UNC13C: variants seen among roughly 807,000 people sequenced by gnomAD.
UNC13C encodes the protein protein unc-13 homolog C.
UNC13C carries 174 observed loss-of-function variants against 245.4 expected under a neutral mutation model. The observed-to-expected ratio is 0.71, with a 90% CI of 0.63 to 0.80. The LOEUF (loss-of-function observed/expected upper bound fraction) is 0.80. Ranked by LOEUF, UNC13C falls within the 30% of genes least tolerant of loss-of-function variation. The pLI is 0.00. For synonymous variants in UNC13C, 992 were observed against 895.1 expected (o/e 1.11, Z -1.93); for missense variants, 2,829 against 2,602.9 (o/e 1.09, Z -1.89).
chr15:54,081,751 T>A (rs1309314322), intron 2 of UNC13C, among the ~76,000 whole-genome samples: 1 of 152,120 alleles, frequency 6.6e-6, no homozygotes, highest in Non-Finnish European at 1.5e-5. Context: ...AATTTTCCAC[T>A]CTATGTCTTT....
intron 19 of UNC13C, among the ~76,000 whole-genome samples, chr15:54,456,568 T>C (rs1891541144): frequency 6.6e-6 from 1 of 151,074 alleles, no homozygotes; most frequent in African/African-American, 2.4e-5. Context: ...TTCACCTCTT[T>C]TGTTAGGTTT....
intron 2 of UNC13C, among the ~76,000 whole-genome samples, chr15:54,111,363 A>G (rs1460000480): frequency 6.6e-6 from 1 of 152,170 alleles, no homozygotes; most frequent in African/African-American, 2.4e-5. Context: ...TAATGCCAAA[A>G]CTCAATTGTT....
At chr15:54,090,802 A>C (rs1899526875) in intron 2 of UNC13C, among the ~76,000 whole-genome samples, 1 of 152,144 alleles carries the variant, frequency 6.6e-6, no homozygotes, top group South Asian at 2.1e-4. Flanking sequence ...TGATGGGCTA[A>C]GTTGCCTGAG....
intron 23 of UNC13C, among the ~76,000 whole-genome samples, chr15:54,508,259 T>C (rs1894573257): frequency 6.6e-6 from 1 of 151,494 alleles, no homozygotes; most frequent in Non-Finnish European, 1.5e-5. Flanking sequence ...TATCTGATAA[T>C]TTCACAAAAG....
chr15:54,246,963 CA>C (rs1400278845), intron 7 of UNC13C, among the ~76,000 whole-genome samples: 2 of 152,086 alleles, frequency 1.3e-5, no homozygotes, highest in Non-Finnish European at 1.5e-5. Context: ...CTCATTTTGC[CA>C]AATCCTGCTG....
chr15:54,030,609 G>C (rs1230764051), intron 2 of UNC13C, among the ~76,000 whole-genome samples: 2 of 152,110 alleles, frequency 1.3e-5, no homozygotes, highest in Non-Finnish European at 2.9e-5. Flanking sequence ...CCCCATCTTT[G>C]TTTGTATTGC....
At chr15:53,956,752 G>A in the UNC13C span, among the ~76,000 whole-genome samples, 1 of 151,732 alleles carries the variant, frequency 6.6e-6, no homozygotes, top group Non-Finnish European at 1.5e-5. Context: ...ATGTCATGAT[G>A]TGGTCCAGGA....
chr15:54,099,424 G>A (rs1431356724), intron 2 of UNC13C, among the ~76,000 whole-genome samples: 1 of 152,120 alleles, frequency 6.6e-6, no homozygotes, highest in Non-Finnish European at 1.5e-5. Flanking sequence ...AGCTGGCCAT[G>A]CATCTCAAGG....
chr15:54,202,064 G>A (rs963255222), intron 4 of UNC13C, among the ~76,000 whole-genome samples: 8 of 150,878 alleles, frequency 5.3e-5, no homozygotes, highest in African/African-American at 2.0e-4. Context: ...CCCTTTCACA[G>A]TAGCTGCAAA....
intron 19 of UNC13C, among the ~76,000 whole-genome samples, chr15:54,487,766 CAAAA>C (rs5812760): frequency 1.6e-5 from 1 of 62,768 alleles, no homozygotes; most frequent in African/African-American, 6.0e-5. Context: ...GATTCCATCT[CAAAA>C]AAAAAAAAAA....
chr15:54,093,773 C>G (rs1378748174), intron 2 of UNC13C, among the ~76,000 whole-genome samples: 1 of 152,164 alleles, frequency 6.6e-6, no homozygotes, highest in East Asian at 1.9e-4. Flanking sequence ...AAGTCACATT[C>G]AGCTTTTTAT....
At chr15:54,414,382 C>T (rs2040476491) in intron 18 of UNC13C, among the ~76,000 whole-genome samples, 2 of 152,130 alleles carry the variant, frequency 1.3e-5, no homozygotes, top group African/African-American at 4.8e-5. Flanking sequence ...TATGGTGGCT[C>T]ATGCCTATAA....
At chr15:54,303,335 C>T (rs1040178090) in intron 13 of UNC13C, among the ~76,000 whole-genome samples, 1 of 152,154 alleles carries the variant, frequency 6.6e-6, no homozygotes, top group African/African-American at 2.4e-5. Flanking sequence ...ATGAATTGTT[C>T]TGCCTAAAGA....
chr15:54,424,512 T>C (rs2040717915), intron 19 of UNC13C, among the ~76,000 whole-genome samples: 1 of 151,902 alleles, frequency 6.6e-6, no homozygotes, highest in African/African-American at 2.4e-5. Context: ...AAGTGCGACC[T>C]GGCTGCAAAT....
chr15:53,869,432 AGG>A, the UNC13C span, among the ~76,000 whole-genome samples: 5 of 23,062 alleles, frequency 2.2e-4, no homozygotes, highest in African/African-American at 6.5e-4. Flanking sequence ...GCCAATAAAA[AGG>A]GTAATTCATA....
intron 2 of UNC13C, among the ~76,000 whole-genome samples, chr15:54,083,183 C>T (rs12909044): frequency 0.47 from 71,137 of 151,848 alleles, 18,650 homozygotes; most frequent in Non-Finnish European, 0.6. Context: ...TCCTGAGCAG[C>T]CAGGAACACG....
At chr15:54,496,450 T>G (rs1893951839) in intron 20 of UNC13C, among the ~76,000 whole-genome samples, 1 of 152,070 alleles carries the variant, frequency 6.6e-6, no homozygotes. Flanking sequence ...CTTCTGGGTA[T>G]CTACCCAAAG....
intron 13 of UNC13C, among the ~76,000 whole-genome samples, chr15:54,318,694 C>T (rs2038072405): frequency 6.6e-6 from 1 of 151,910 alleles, no homozygotes; most frequent in Non-Finnish European, 1.5e-5. Flanking sequence ...TATTTTCTCT[C>T]ATCCTGCAGG....
At chr15:54,527,826 T>G (rs1440055180) in intron 25 of UNC13C, among the ~76,000 whole-genome samples, 2 of 152,162 alleles carry the variant, frequency 1.3e-5, no homozygotes, top group African/African-American at 4.8e-5. Flanking sequence ...TGTCATGCTT[T>G]CCTAATAAAA....
Sources: allele counts gnomAD v4.1 joint callset (sites outside exome capture counted in the v4.1 genomes callset), GRCh38; gene constraint gnomAD v4.1.1; transcripts MANE v1.5; gene names NCBI Gene and HGNC (gene_info 2026-07-23, HGNC 2026-07-21).